GPR158: variants seen among roughly 807,000 people sequenced by gnomAD.
GPR158 encodes G protein-coupled receptor 158, also known as metabotropic glycine receptor.
In GPR158, 30 loss-of-function variants were observed where a neutral mutation model predicts 78.2. That is an observed-to-expected ratio of 0.38 (90% confidence interval 0.29 to 0.52). GPR158 has a LOEUF of 0.52. GPR158 is among the 20% of genes least tolerant of loss of function. The probability of loss-of-function intolerance (pLI) is 0.83; values close to 1 mark genes in which losing one functional copy is unlikely to be tolerated. For missense variants in GPR158, 1,463 were observed against 1,523.5 expected (o/e 0.96, Z 0.66); for synonymous variants, 581 against 591.1 (o/e 0.98, Z 0.25).
chr10:25,344,782 A>G (rs1855350620), intron 2 of GPR158, among the ~76,000 whole-genome samples: 1 of 152,002 alleles, frequency 6.6e-6, no homozygotes, highest in Non-Finnish European at 1.5e-5. Context: ...GCTGTGATAA[A>G]ATACCACAGA....
At chr10:25,416,648 G>C (rs1033495117) in intron 4 of GPR158, among the ~76,000 whole-genome samples, 4 of 152,052 alleles carry the variant, frequency 2.6e-5, no homozygotes, top group Non-Finnish European at 4.4e-5. Context: ...ATAGGAATAA[G>C]TTTGTTACTA....
intron 2 of GPR158, among the ~76,000 whole-genome samples, chr10:25,364,148 T>C (rs1385723174): frequency 6.6e-6 from 1 of 151,944 alleles, no homozygotes; most frequent in East Asian, 1.9e-4. Context: ...TTTAAAGATA[T>C]ATAAGTAATT....
intron 4 of GPR158, among the ~76,000 whole-genome samples, chr10:25,418,405 A>C (rs1387951003): frequency 6.6e-6 from 1 of 152,158 alleles, no homozygotes; most frequent in Non-Finnish European, 1.5e-5. Flanking sequence ...GCAAATTAAA[A>C]TTCACTCTGC....
chr10:25,498,159 G>A (rs1428693047), intron 5 of GPR158, among the ~76,000 whole-genome samples: 2 of 152,168 alleles, frequency 1.3e-5, no homozygotes, highest in African/African-American at 4.8e-5. Flanking sequence ...GAACACACTT[G>A]TGTAACCAAA....
chr10:25,292,506 C>CT (rs141186629), intron 2 of GPR158, among the ~76,000 whole-genome samples: 3,207 of 147,870 alleles, frequency 0.022, 100 homozygotes, highest in African/African-American at 0.078. Context: ...TCAATGCAAC[C>CT]TTCCAGCACT....
intron 2 of GPR158, among the ~76,000 whole-genome samples, chr10:25,341,051 A>G (rs1855296459): frequency 6.6e-6 from 1 of 152,068 alleles, no homozygotes; most frequent in South Asian, 2.1e-4. Context: ...AAGTCAGTGT[A>G]ATGACATCTT....
At chr10:25,524,510 A>G (rs1328061957) in intron 5 of GPR158, among the ~76,000 whole-genome samples, 3 of 152,220 alleles carry the variant, frequency 2.0e-5, no homozygotes, top group African/African-American at 7.2e-5. Flanking sequence ...GTCAATTGAT[A>G]AGCATGTGAA....
At chr10:25,356,554 G>A (rs1387831797) in intron 2 of GPR158, among the ~76,000 whole-genome samples, 1 of 152,024 alleles carries the variant, frequency 6.6e-6, no homozygotes, top group African/African-American at 2.4e-5. Flanking sequence ...TTCCCATGCT[G>A]TTCATGTGAT....
chr10:25,293,708 T>G (rs2807253), intron 2 of GPR158, among the ~76,000 whole-genome samples: 82,038 of 151,382 alleles, frequency 0.54, 23,198 homozygotes, highest in Non-Finnish European at 0.64. Context: ...TCCTTGATTC[T>G]GGTTTGGGTA....
rs562545798 is a variant in GPR158 at position 25,246,841 on chromosome 10, A to T, written c.1008+25684A>T. Among the ~76,000 whole-genome samples the T allele has an allele frequency of 1.8e-3, 280 of 152,378 alleles. 1 individual carries two copies. The highest frequency in any genetic ancestry group is 3.4e-3 in the Middle Eastern group (1 of 294). On this transcript the variant is annotated intron_variant, in intron 2 of 10. Coordinates refer to ENST00000376351, the MANE Select transcript of GPR158 (RefSeq NM_020752.3). ...CACTAACAAGCATGAGATCCTTTTC[A>T]TAGTACCTTTATTATGGTTTAATAT...
chr10:25,190,304 T>C (rs996312549), intron 1 of GPR158, among the ~76,000 whole-genome samples: 1 of 152,148 alleles, frequency 6.6e-6, no homozygotes, highest in Non-Finnish European at 1.5e-5. Flanking sequence ...GAAGAAATGA[T>C]TGAAATGTTA....
At chr10:25,591,688 A>T (rs551734469) in intron 8 of GPR158, among the ~76,000 whole-genome samples, 273 of 152,262 alleles carry the variant, frequency 1.8e-3, no homozygotes, top group Non-Finnish European at 3.4e-3. Flanking sequence ...TTGATTTTTT[A>T]GCAAGCTTAA....
At chr10:25,538,287 T>C (rs1836526891) in intron 5 of GPR158, among the ~76,000 whole-genome samples, 1 of 152,168 alleles carries the variant, frequency 6.6e-6, no homozygotes, top group Non-Finnish European at 1.5e-5. Context: ...ATATCTTTTT[T>C]TTAAATTATA....
chr10:25,552,165 G>C (rs1285784519), intron 6 of GPR158, among the ~76,000 whole-genome samples: 1 of 152,140 alleles, frequency 6.6e-6, no homozygotes, highest in Non-Finnish European at 1.5e-5. Context: ...GGTTTCAGGA[G>C]ATCCTATTTA....
At chr10:25,187,383 A>G (rs1169501987) in intron 1 of GPR158, among the ~76,000 whole-genome samples, 4 of 152,342 alleles carry the variant, frequency 2.6e-5, no homozygotes, top group East Asian at 1.9e-4. Context: ...AAAATCCTCA[A>G]TAAAATACTG....
chr10:25,516,161 A>G lies in GPR158; in HGVS notation c.1405-34815A>G, dbSNP rs1588894703. Reference sequence around the variant, plus strand: ...TTTCATGTGTTTTTTGGCTGCATAAATGTCTTCTTTTGAGAAGTGTCTGCT... The same window carrying G: ...TTTCATGTGTTTTTTGGCTGCATAAGTGTCTTCTTTTGAGAAGTGTCTGCT... On this transcript the variant is annotated intron_variant, in intron 5 of 10. Transcript: ENST00000376351. Among the ~76,000 whole-genome samples, 14 of 152,028 alleles carry G rather than the reference A, an allele frequency of 9.2e-5. No individual in the cohort carries two copies. In the South Asian group the frequency reaches 2.7e-3, roughly 29 times the overall value.
chr10:25,473,349 C>T lies in GPR158; in HGVS notation c.1404+6630C>T, dbSNP rs187763822. 1.9e-3 allele frequency among the ~76,000 whole-genome samples: 292 copies of T among 152,220 alleles called. 2 individuals carry two copies. Among genetic ancestry groups the T allele is most frequent in the Admixed American group, 5.9e-3 (90 of 15,284 alleles). ...AAGCTTTTTGATGTGCTGCTGGATT[C>T]GGTTCGCCAGTATTTTATTGAGGAT... On this transcript the variant is annotated intron_variant, in intron 5 of 10. Coordinates refer to ENST00000376351, the MANE Select transcript of GPR158 (RefSeq NM_020752.3).
At chr10:25,424,867 GCT>G (rs1337711743) in intron 4 of GPR158, among the ~76,000 whole-genome samples, 1 of 152,130 alleles carries the variant, frequency 6.6e-6, no homozygotes, top group East Asian at 1.9e-4. Flanking sequence ...GGCAATGCGG[GCT>G]CTTTTTTGGT....
chr10:25,433,799 C>CTGGTTAT (rs1440815789), intron 4 of GPR158, among the ~76,000 whole-genome samples: 17 of 145,564 alleles, frequency 1.2e-4, no homozygotes, highest in Non-Finnish European at 2.1e-4. Context: ...TCCTAATATG[C>CTGGTTAT]TGGTTATTAC....
Sources: gnomAD v4.1 joint callset for allele counts (sites outside exome capture counted in the v4.1 genomes callset) on GRCh38, gnomAD v4.1.1 for gene constraint, MANE v1.5 for transcripts, NCBI Gene and HGNC (gene_info 2026-07-23, HGNC 2026-07-21) for gene names.